TMEM232: variants seen among roughly 807,000 people sequenced by gnomAD.
The protein encoded by TMEM232 is transmembrane protein 232.
TMEM232 carries 80 observed loss-of-function variants against 78.8 expected under a neutral mutation model. The ratio of observed to expected loss-of-function variants is 1.01; its 90% CI spans 0.85 to 1.22. The LOEUF is 1.22. Ranked by LOEUF, TMEM232 falls within the 50% of genes most tolerant of loss-of-function variation. The pLI is 0.00. For synonymous variants in TMEM232, 297 were observed against 254.3 expected, an observed-to-expected ratio of 1.17 and a Z score of -1.60; for missense variants, 881 against 742.2, an observed-to-expected ratio of 1.19 and a Z score of -2.17.
chr5:110,588,279 G>A (rs1215560711), intron 10 of TMEM232, among the ~76,000 whole-genome samples: 1 of 152,058 alleles, frequency 6.6e-6, no homozygotes, highest in Non-Finnish European at 1.5e-5. Flanking sequence ...ACAAATGAAA[G>A]GAAGAATGCC....
chr5:110,454,509 AG>A (rs1302650669), intron 12 of TMEM232, among the ~76,000 whole-genome samples: 4 of 152,148 alleles, frequency 2.6e-5, no homozygotes, highest in Non-Finnish European at 5.9e-5. Context: ...GAAAAAAAAA[AG>A]TAACAGAAAG....
At chr5:110,426,947 T>TG (rs1757305680) in intron 12 of TMEM232, among the ~76,000 whole-genome samples, 1 of 152,016 alleles carries the variant, frequency 6.6e-6, no homozygotes, top group Non-Finnish European at 1.5e-5. Context: ...CAAGAATTGT[T>TG]TAAGTTTTAA....
chr5:110,556,172 G>A (rs1029335794), intron 11 of TMEM232, among the ~76,000 whole-genome samples: 1 of 152,068 alleles, frequency 6.6e-6, no homozygotes, highest in African/African-American at 2.4e-5. Flanking sequence ...TGTAAGGCAG[G>A]TCTGGTGGCA....
chr5:110,709,320 C>A lies in TMEM232; in HGVS notation c.-13+17307G>T, dbSNP rs116385693. On this transcript the variant is annotated intron_variant, in intron 1 of 13. Transcript: ENST00000455884. ...AATACCCCACTTTCAGCATTAGACA[C>A]ATCTTCCAAACAGAAAATCGACAAA... Among the ~76,000 whole-genome samples the A allele has an allele frequency of 8.5e-3, 1,293 of 152,180 alleles. 17 individuals are homozygous for A. Among genetic ancestry groups the A allele is most frequent in the African/African-American group, 0.029 (1,220 of 41,544 alleles).
chr5:110,460,940 C>T (rs1282548534), intron 12 of TMEM232, among the ~76,000 whole-genome samples: 1 of 152,078 alleles, frequency 6.6e-6, no homozygotes, highest in African/African-American at 2.4e-5. Flanking sequence ...GTTCTGACTG[C>T]TCAACTGACC....
chr5:110,473,412 A>T (rs1762889806), intron 12 of TMEM232, among the ~76,000 whole-genome samples: 1 of 151,782 alleles, frequency 6.6e-6, no homozygotes, highest in African/African-American at 2.4e-5. Flanking sequence ...ATGCAAAGTT[A>T]TCTAAAAAAC....
chr5:110,465,502 C>A (rs1761977420), intron 12 of TMEM232, among the ~76,000 whole-genome samples: 1 of 152,070 alleles, frequency 6.6e-6, no homozygotes, highest in African/African-American at 2.4e-5. Flanking sequence ...GCATTATTTT[C>A]TTTTCTTCTT....
chr5:110,539,960 T>C (rs143455167), intron 11 of TMEM232, among the ~76,000 whole-genome samples: 2 of 152,040 alleles, frequency 1.3e-5, no homozygotes, highest in African/African-American at 4.8e-5. Context: ...AATAGCCAGG[T>C]TTTGCAGAAT....
intron 10 of TMEM232, among the ~76,000 whole-genome samples, chr5:110,594,751 C>G (rs1334639115): frequency 2.0e-5 from 3 of 152,194 alleles, no homozygotes; most frequent in Admixed American, 2.0e-4. Flanking sequence ...CCTCACTGGG[C>G]AGGTAATCTC....
intron 12 of TMEM232, among the ~76,000 whole-genome samples, chr5:110,520,711 GT>G (rs1227944271): frequency 6.6e-6 from 1 of 152,148 alleles, no homozygotes; most frequent in African/African-American, 2.4e-5. Context: ...CCTGAGATCG[GT>G]GGTCGAGACC....
chr5:110,705,294 T>C (rs1795815272), intron 1 of TMEM232, among the ~76,000 whole-genome samples: 3 of 152,222 alleles, frequency 2.0e-5, no homozygotes, highest in South Asian at 4.1e-4. Context: ...TTAGGTGCCA[T>C]AGGGGCAGGA....
At chr5:110,511,961 G>A (rs964856299) in intron 12 of TMEM232, among the ~76,000 whole-genome samples, 13 of 151,982 alleles carry the variant, frequency 8.6e-5, no homozygotes, top group Admixed American at 1.3e-4. Flanking sequence ...TGCACATTCT[G>A]TCCCTTCTGT....
chr5:110,711,049 C>T (rs368293039), intron 1 of TMEM232, among the ~76,000 whole-genome samples: 19 of 152,198 alleles, frequency 1.2e-4, no homozygotes, highest in African/African-American at 2.6e-4. Context: ...TTAGAACTGA[C>T]GAACAAATTC....
At chr5:110,405,421 C>A (rs2112574463) in intron 2 of TMEM232, among the ~76,000 whole-genome samples, 1 of 151,684 alleles carries the variant, frequency 6.6e-6, no homozygotes, top group Non-Finnish European at 1.5e-5. Context: ...CATGTCCCAT[C>A]ACCAAGAAAA....
chr5:110,610,286 G>GAGGAAGGAAGGGAGGAAGGAAGGA (rs1782092438), intron 8 of TMEM232, among the ~76,000 whole-genome samples: 2 of 150,292 alleles, frequency 1.3e-5, no homozygotes, highest in African/African-American at 5.0e-5. Flanking sequence ...TGGGTGAAGG[G>GAGGAAGGAAGGGAGGAAGGAAGGA]AGGGAGAAAA....
chr5:110,615,765 T>A (rs537778176), intron 8 of TMEM232, among the ~76,000 whole-genome samples: 55 of 152,096 alleles, frequency 3.6e-4, no homozygotes, highest in Non-Finnish European at 6.3e-4. Flanking sequence ...ACCAAAAGAC[T>A]GTTAGACTTT....
chr5:110,615,545 T>C (rs1253489484), intron 8 of TMEM232, among the ~76,000 whole-genome samples: 3 of 151,950 alleles, frequency 2.0e-5, no homozygotes, highest in African/African-American at 7.2e-5. Flanking sequence ...TGGTGAAAAG[T>C]TGAAAGCATC....
intron 8 of TMEM232, among the ~76,000 whole-genome samples, chr5:110,610,235 A>AAAGGAAGGAAGGGAGGAAGGAAGGGAGG (rs1476476891): frequency 2.3e-5 from 1 of 43,926 alleles, no homozygotes; most frequent in Non-Finnish European, 4.2e-5. Flanking sequence ...AGGGAAAAAG[A>AAAGGAAGGAAGGGAGGAAGGAAGGGAGG]AAGGAAGGAA....
Position 110,625,434 on chromosome 5 carries a change from C to CT in TMEM232, c.602-2dup. On this transcript the variant is annotated splice_acceptor_variant, in intron 6 of 13. Transcript: ENST00000455884. LOFTEE classifies it high-confidence loss of function. Reference sequence around the variant, plus strand: ...TATGATGCTCCAGAGAAAGAAAGTGCTATTGTAAGAAAAATCATCTGTGAG... The same window carrying CT: ...TATGATGCTCCAGAGAAAGAAAGTGCTTATTGTAAGAAAAATCATCTGTGAG... The CT allele has an allele frequency of 1.3e-6, 2 of 1,500,530 alleles. No homozygotes were observed. The highest frequency in any genetic ancestry group is 2.3e-5 in the Admixed American group (1 of 43,812). The allele number at this position is 1,500,530 out of a possible 1,614,324, so 93.0% of individuals were successfully genotyped here.
Sources: allele counts gnomAD v4.1 joint callset (sites outside exome capture counted in the v4.1 genomes callset), GRCh38; gene constraint gnomAD v4.1.1; transcripts MANE v1.5; gene names NCBI Gene and HGNC (gene_info 2026-07-23, HGNC 2026-07-21).